C19orf47: variants seen among roughly 807,000 people sequenced by gnomAD.
C19orf47 encodes the protein chromosome 19 open reading frame 47, also known as uncharacterized protein C19orf47.
Under a neutral mutation model 32.3 loss-of-function variants are expected in C19orf47, and 18 were observed. The ratio of observed to expected loss-of-function variants is 0.56; its 90% CI spans 0.39 to 0.83. The LOEUF is 0.83. Ranked by LOEUF, C19orf47 falls within the 40% of genes least tolerant of loss-of-function variation. The pLI, the probability that C19orf47 is intolerant of heterozygous loss-of-function variation, is 0.00. For missense variants in C19orf47, 484 were observed against 531.6 expected (o/e 0.91, Z 0.88); for synonymous variants, 202 against 211.1 (o/e 0.96, Z 0.37).
In C19orf47 at chr19:40,322,395, G is replaced by C; in HGVS notation, c.664-19C>G. On this transcript the variant is annotated intron_variant, in intron 8 of 8. Coordinates refer to ENST00000683109, the MANE Select transcript of C19orf47 (RefSeq NM_001256441.2). ...CTGTGGGCTGTGGAGGTCAGAGACAGGATGAATGAGTCACTGAGTCACTCA... is the reference window on the plus strand; with the variant it reads ...CTGTGGGCTGTGGAGGTCAGAGACACGATGAATGAGTCACTGAGTCACTCA... The C allele has an allele frequency of 6.5e-7, 1 of 1,545,358 alleles. No individual in the cohort carries two copies. Among genetic ancestry groups the C allele is most frequent in the East Asian group, 2.3e-5 (1 of 44,094 alleles).
At chr19:40,323,908 T>C in intron 8 of C19orf47, 98 bp downstream of exon 8, 1 of 1,470,870 alleles carries the variant, frequency 6.8e-7, no homozygotes, top group Non-Finnish European at 9.5e-7. Context: ...TAGACGGCCC[T>C]GGGCCGAGTG....
In C19orf47 at chr19:40,322,379, G is replaced by A. The variant is rs763473766; in HGVS notation, c.664-3C>T. Reference sequence around the variant, plus strand: ...AGGCGGCTGAAGACTCCTGTGGGCTGTGGAGGTCAGAGACAGGATGAATGA... The same window carrying A: ...AGGCGGCTGAAGACTCCTGTGGGCTATGGAGGTCAGAGACAGGATGAATGA... On this transcript the variant is annotated splice_polypyrimidine_tract_variant and splice_region_variant and intron_variant, in intron 8 of 8. Transcript: ENST00000683109. The A allele has an allele frequency of 1.3e-6, 2 of 1,568,724 alleles. No individual in the cohort carries two copies. Among genetic ancestry groups the A allele is most frequent in the Non-Finnish European group, 8.7e-7 (1 of 1,154,880 alleles).
chr19:40,318,126 G>T (rs899290816), downstream of C19orf47, among the ~76,000 whole-genome samples: 1 of 151,704 alleles, frequency 6.6e-6, no homozygotes, highest in African/African-American at 2.4e-5. Flanking sequence ...GCTCATGTCT[G>T]TAATCCCAGC....
rs1473320964 is a variant in C19orf47, at chr19:40,319,602, A to ATCTC, written c.*2276_*2279dup. 2 of 142,656 alleles carry ATCTC rather than the reference A, an allele frequency of 1.4e-5. No homozygotes were observed. Among genetic ancestry groups the ATCTC allele is most frequent in the African/African-American group, 5.4e-5 (2 of 37,118 alleles). The allele number at this position is 142,656 out of a possible 1,614,324, so 8.8% of individuals were successfully genotyped here. A position where few individuals can be genotyped will look rare whatever the true frequency, so the allele number is the denominator to read the frequency against. ...GCCTAGGCTGGAGTGCAGTGGCACG[A>ATCTC]TCTCAGCTCACTGCAACCTCCACCT... is the stretch of plus-strand genomic sequence containing the variant. On this transcript the variant is annotated 3_prime_UTR_variant, in exon 9 of 9. Transcript: ENST00000683109.
the C19orf47 span, among the ~76,000 whole-genome samples, chr19:40,310,349 C>G: frequency 6.6e-6 from 1 of 152,222 alleles, no homozygotes; most frequent in African/African-American, 2.4e-5. Context: ...CCAGCCTGGG[C>G]TGGAGTGCAG....
In C19orf47 at chr19:40,322,096, A is replaced by G. The variant is rs758920784; in HGVS notation, c.944T>C (p.Ile315Thr). 5 of 1,614,154 alleles carry G rather than the reference A, an allele frequency of 3.1e-6. No individual in the cohort carries two copies. The Admixed American group carries it at 8.3e-5, about 27-fold the overall frequency. ...GGCAGCTGCGCCCAGTCTCTTGATG[A>G]TGCTGACTTTAGACAAGGACTCCGG... ...RKPESLSKVS[I>T]IKRLGAAALV... is the part of the protein sequence containing the mutation. The change falls in exon 9 of 9, where the codon ATC becomes ACC. Residue 315 changes from isoleucine (I) to threonine (T), a missense_variant. Transcript: ENST00000683109.
At chr19:40,340,043 T>C (rs2078145683) in intron 2 of C19orf47, among the ~76,000 whole-genome samples, 1 of 151,384 alleles carries the variant, frequency 6.6e-6, no homozygotes, top group African/African-American at 2.4e-5. Flanking sequence ...GAATGATTTA[T>C]TCCATATGGA....
At chr19:40,308,120 C>A in the C19orf47 span, among the ~76,000 whole-genome samples, 1 of 151,960 alleles carries the variant, frequency 6.6e-6, no homozygotes, top group Non-Finnish European at 1.5e-5. Flanking sequence ...ACCAAGTACT[C>A]TGTAAAATGT....
chr19:40,345,757 G>A (rs575899283), intron 1 of C19orf47, among the ~76,000 whole-genome samples: 31 of 86,208 alleles, frequency 3.6e-4, no homozygotes, highest in Non-Finnish European at 4.9e-5. Flanking sequence ...TGGGAGAATC[G>A]CTTCAACCCG....
the C19orf47 span, among the ~76,000 whole-genome samples, chr19:40,313,474 G>A: frequency 6.6e-6 from 1 of 152,004 alleles, no homozygotes; most frequent in Non-Finnish European, 1.5e-5. Context: ...ACAGCCATGC[G>A]CCACCACGCC....
Position 40,321,821 on chromosome 19 carries a change from C to A in C19orf47, c.*61G>T. On this transcript the variant is annotated 3_prime_UTR_variant, in exon 9 of 9. Coordinates refer to ENST00000683109, the MANE Select transcript of C19orf47 (RefSeq NM_001256441.2). ...GTGGGAGGCGTGATGAAGCCAGGAG[C>A]CTGGGGCGGCCAGGGCAGATGCCCG... is the stretch of plus-strand genomic sequence containing the variant. 1 of 1,461,118 alleles carries A rather than the reference C, an allele frequency of 6.8e-7. No individual in the cohort carries two copies. The allele number at this position is 1,461,118 out of a possible 1,614,324, so 90.5% of individuals were successfully genotyped here.
At chr19:40,345,140 C>A (rs142360585) in intron 1 of C19orf47, among the ~76,000 whole-genome samples, 1 of 152,272 alleles carries the variant, frequency 6.6e-6, no homozygotes, top group Non-Finnish European at 1.5e-5. Context: ...GTATTCTCCC[C>A]CAAGTGCTAC....
the C19orf47 span, among the ~76,000 whole-genome samples, chr19:40,306,151 CAAAAAA>C: frequency 2.6e-4 from 14 of 53,872 alleles, no homozygotes; most frequent in Middle Eastern, 9.6e-3. Flanking sequence ...AACTCTGTCT[CAAAAAA>C]AAAAAAAAAA....
chr19:40,316,078 G>A (rs186147881), downstream of C19orf47, among the ~76,000 whole-genome samples: 6 of 152,026 alleles, frequency 3.9e-5, no homozygotes, highest in Admixed American at 1.3e-4. Flanking sequence ...GCAGGACCCC[G>A]ACAGGCCTTC....
intron 7 of C19orf47, 97 bp from the exon 8 acceptor site, chr19:40,324,173 C>G (rs2077781142): frequency 8.4e-7 from 1 of 1,195,028 alleles, no homozygotes; most frequent in South Asian, 1.2e-5. Flanking sequence ...ACCAGTAGCT[C>G]TGGGACAGGC....
rs746422905 is a variant in C19orf47 at position 40,320,605 on chromosome 19, C to G, written c.*1277G>C. ...CCACTGAAGCGGCCCTGGCCACTTT[C>G]TCCCACTCCTCAGATTCCTTGGCCA... is the stretch of plus-strand genomic sequence containing the variant. On this transcript the variant is annotated 3_prime_UTR_variant, in exon 9 of 9. Transcript: ENST00000683109. The G allele has an allele frequency of 6.5e-6, 1 of 154,580 alleles. No homozygotes were observed. The highest frequency in any genetic ancestry group is 2.4e-5 in the African/African-American group (1 of 41,468). 9.6% of individuals were successfully genotyped at this position (154,580 alleles called of 1,614,324 possible). A position where few individuals can be genotyped will look rare whatever the true frequency, so the allele number is the denominator to read the frequency against.
chr19:40,348,521 AC>A, upstream of C19orf47: 1 of 1,476,992 alleles, frequency 6.8e-7, no homozygotes, highest in Non-Finnish European at 8.9e-7. Flanking sequence ...CCATCACGTG[AC>A]CGCCCACCGA....
At chr19:40,301,504 G>C in the C19orf47 span, among the ~76,000 whole-genome samples, 42 of 151,186 alleles carry the variant, frequency 2.8e-4, no homozygotes, top group African/African-American at 9.2e-4. Context: ...ACCATGCCCA[G>C]CTAATTTTTG....
At chr19:40,341,620 C>T (rs1261605720) in intron 2 of C19orf47, among the ~76,000 whole-genome samples, 1 of 152,152 alleles carries the variant, frequency 6.6e-6, no homozygotes, top group East Asian at 1.9e-4. Flanking sequence ...TCATAACCCA[C>T]GTTCTTCACA....
Sources: gnomAD v4.1 joint callset for allele counts (sites outside exome capture counted in the v4.1 genomes callset) on GRCh38, gnomAD v4.1.1 for gene constraint, MANE v1.5 for transcripts, NCBI Gene and HGNC (gene_info 2026-07-23, HGNC 2026-07-21) for gene names.